The following REDIC1 variants were observed in gnomAD, a reference collection of about 807,000 sequenced individuals.
REDIC1 encodes the protein HEI10 Interacting Protein 1.
chr12:39,663,470 C>G, the REDIC1 span, among the ~76,000 whole-genome samples: 1 of 152,018 alleles, frequency 6.6e-6, no homozygotes, highest in African/African-American at 2.4e-5. Flanking sequence ...CTATATATGT[C>G]TTAAGAGATG....
At chr12:39,704,058 C>A in the REDIC1 span, among the ~76,000 whole-genome samples, 2 of 152,114 alleles carry the variant, frequency 1.3e-5, no homozygotes, top group Non-Finnish European at 2.9e-5. Context: ...GCAACAAAAG[C>A]CAAAATTGAC....
the REDIC1 span, among the ~76,000 whole-genome samples, chr12:39,838,149 TAC>T: frequency 6.8e-6 from 1 of 147,654 alleles, no homozygotes; most frequent in Non-Finnish European, 1.5e-5. Flanking sequence ...CACCATGGAA[TAC>T]TACGCAGCCA....
At chr12:39,687,111 C>T in the REDIC1 span, among the ~76,000 whole-genome samples, 393 of 152,274 alleles carry the variant, frequency 2.6e-3, 1 homozygote, top group African/African-American at 8.5e-3. Context: ...ACCATTCCAC[C>T]GCCAGTCTTT....
the REDIC1 span, among the ~76,000 whole-genome samples, chr12:39,695,876 AC>A: frequency 3.9e-5 from 6 of 152,140 alleles, no homozygotes; most frequent in African/African-American, 1.4e-4. Flanking sequence ...ATGTCCCTCC[AC>A]CCTTAGCTTC....
chr12:39,904,996 T>C, the REDIC1 span, among the ~76,000 whole-genome samples: 1 of 152,102 alleles, frequency 6.6e-6, no homozygotes, highest in African/African-American at 2.4e-5. Context: ...GTAGAATGGC[T>C]GCTTCAGTTG....
At chr12:39,869,443 A>G in the REDIC1 span, among the ~76,000 whole-genome samples, 3 of 152,218 alleles carry the variant, frequency 2.0e-5, no homozygotes, top group Non-Finnish European at 2.9e-5. Context: ...AACCATTGTT[A>G]TATCCACTGT....
At chr12:39,750,549 T>A in the REDIC1 span, among the ~76,000 whole-genome samples, 3 of 152,102 alleles carry the variant, frequency 2.0e-5, no homozygotes, top group African/African-American at 7.2e-5. Flanking sequence ...TTCACAGAAT[T>A]GGAAAAAACT....
At chr12:39,839,688 G>A in the REDIC1 span, among the ~76,000 whole-genome samples, 72 of 151,856 alleles carry the variant, frequency 4.7e-4, no homozygotes, top group South Asian at 1.7e-3. Flanking sequence ...TTCTGTTCTG[G>A]GCCATCTACT....
At chr12:39,829,939 T>G in the REDIC1 span, 1 of 873,936 alleles carries the variant, frequency 1.1e-6, no homozygotes, top group South Asian at 1.6e-5. Flanking sequence ...AAACACACAA[T>G]TGCAATGCTT....
the REDIC1 span, among the ~76,000 whole-genome samples, chr12:39,665,308 C>T: frequency 0.79 from 120,587 of 152,116 alleles, 48,522 homozygotes; most frequent in Non-Finnish European, 0.86. Flanking sequence ...CAGTTTTCCC[C>T]GCATCATTTA....
chr12:39,799,647 C>T, the REDIC1 span, among the ~76,000 whole-genome samples: 1 of 152,102 alleles, frequency 6.6e-6, no homozygotes, highest in African/African-American at 2.4e-5. Flanking sequence ...AAAATCAAGA[C>T]CACAAAACAG....
chr12:39,646,717 C>T, the REDIC1 span: 1 of 625,144 alleles, frequency 1.6e-6, no homozygotes, highest in East Asian at 3.0e-5. Flanking sequence ...ATATTATGAC[C>T]CTGTAGTGAT....
At chr12:39,650,093 A>G in the REDIC1 span, 2 of 819,830 alleles carry the variant, frequency 2.4e-6, no homozygotes, top group African/African-American at 3.6e-5. The surrounding 1 kb of genome is among the most constrained non-coding windows in gnomAD (Gnocchi z 4.3). Flanking sequence ...GTTTTCAATA[A>G]GTAGTAAAAT....
At chr12:39,639,840 T>C in the REDIC1 span, among the ~76,000 whole-genome samples, 1 of 151,976 alleles carries the variant, frequency 6.6e-6, no homozygotes, top group Non-Finnish European at 1.5e-5. Context: ...ACAGTGTCAT[T>C]TTACTTATTC....
the REDIC1 span, among the ~76,000 whole-genome samples, chr12:39,883,031 C>A: frequency 1.3e-5 from 2 of 152,142 alleles, no homozygotes; most frequent in Non-Finnish European, 2.9e-5. Context: ...GTTCATATGG[C>A]TTTCCACCTC....
the REDIC1 span, among the ~76,000 whole-genome samples, chr12:39,688,876 G>T: frequency 6.6e-6 from 1 of 152,206 alleles, no homozygotes; most frequent in Non-Finnish European, 1.5e-5. Context: ...GAGTAAATGG[G>T]TAGTTGATGG....
the REDIC1 span, among the ~76,000 whole-genome samples, chr12:39,780,069 T>C: frequency 6.6e-6 from 1 of 152,244 alleles, no homozygotes; most frequent in South Asian, 2.1e-4. Context: ...TGAGTAGATG[T>C]AAATTCCTCA....
the REDIC1 span, chr12:39,835,900 C>A: frequency 6.6e-6 from 1 of 151,996 alleles, no homozygotes; most frequent in African/African-American, 2.4e-5. Flanking sequence ...AAGGCAAAAC[C>A]AATTGTCAAA....
At chr12:39,816,015 T>A in the REDIC1 span, among the ~76,000 whole-genome samples, 2 of 152,210 alleles carry the variant, frequency 1.3e-5, no homozygotes, top group Non-Finnish European at 2.9e-5. Flanking sequence ...AATTAGCTAT[T>A]CTCTAGACTT....
Sources: gnomAD v4.1 joint callset for allele counts (sites outside exome capture counted in the v4.1 genomes callset) on GRCh38, gnomAD v4.1.1 for gene constraint, Gnocchi (gnomAD v3.1) non-coding constraint, MANE v1.5 for transcripts, NCBI Gene and HGNC (gene_info 2026-07-23, HGNC 2026-07-21) for gene names.